FSTL4: variants seen among roughly 807,000 people sequenced by gnomAD.
The protein encoded by FSTL4 is follistatin-related protein 4.
In FSTL4, 28 loss-of-function variants were observed where a neutral mutation model predicts 78.2. That is an observed-to-expected ratio of 0.36 (90% CI 0.27 to 0.49). FSTL4 has a LOEUF of 0.49. FSTL4 is among the 20% of genes least tolerant of loss of function. The pLI is 0.98. For synonymous variants in FSTL4, 422 were observed against 440.5 expected (o/e 0.96, Z 0.53); for missense variants, 922 against 1,084.9 (o/e 0.85, Z 2.11).
chr5:133,629,176 C>T, the FSTL4 span, among the ~76,000 whole-genome samples: 1 of 151,252 alleles, frequency 6.6e-6, no homozygotes, highest in East Asian at 1.9e-4. Flanking sequence ...GAGTTTTTAG[C>T]ATAAAGAGGT....
the FSTL4 span, among the ~76,000 whole-genome samples, chr5:133,687,287 G>A: frequency 6.6e-6 from 1 of 152,220 alleles, no homozygotes; most frequent in African/African-American, 2.4e-5. Context: ...ACTGGACTGG[G>A]GAGGAGGGCA....
At chr5:133,239,638 C>T (rs1233883853) in intron 7 of FSTL4, among the ~76,000 whole-genome samples, 1 of 151,820 alleles carries the variant, frequency 6.6e-6, no homozygotes, top group African/African-American at 2.4e-5. Context: ...ATTGTAAATA[C>T]ACCAATCAGC....
At chr5:133,422,515 C>T (rs940512125) in intron 3 of FSTL4, among the ~76,000 whole-genome samples, 1 of 151,278 alleles carries the variant, frequency 6.6e-6, no homozygotes, top group African/African-American at 2.4e-5. Flanking sequence ...TGCTGTTTAC[C>T]GTTTACTAAA....
At chr5:133,264,106 C>T (rs1461691564) in intron 6 of FSTL4, among the ~76,000 whole-genome samples, 1 of 152,092 alleles carries the variant, frequency 6.6e-6, no homozygotes, top group African/African-American at 2.4e-5. Context: ...TTCTTACTGG[C>T]ATCTGGTGGA....
the FSTL4 span, among the ~76,000 whole-genome samples, chr5:133,617,787 G>A: frequency 1.3e-5 from 2 of 152,192 alleles, no homozygotes; most frequent in East Asian, 1.9e-4. Context: ...CTTTTCAAGA[G>A]GGCAGAGGAC....
chr5:133,622,502 A>C, the FSTL4 span, among the ~76,000 whole-genome samples: 1 of 152,192 alleles, frequency 6.6e-6, no homozygotes, highest in Admixed American at 6.5e-5. Context: ...AAATAAAAGA[A>C]CCAGCAAAAT....
At chr5:133,656,237 G>A in the FSTL4 span, among the ~76,000 whole-genome samples, 11 of 152,206 alleles carry the variant, frequency 7.2e-5, no homozygotes, top group South Asian at 2.3e-3. Flanking sequence ...AGTTACCACT[G>A]TGGGCAAATG....
At chr5:133,766,785 G>A in the FSTL4 span, among the ~76,000 whole-genome samples, 1 of 152,226 alleles carries the variant, frequency 6.6e-6, no homozygotes, top group East Asian at 1.9e-4. Flanking sequence ...TCCTACCGAT[G>A]AGACAGACAT....
intron 3 of FSTL4, among the ~76,000 whole-genome samples, chr5:133,449,181 T>C (rs1757330915): frequency 6.6e-6 from 1 of 152,146 alleles, no homozygotes; most frequent in African/African-American, 2.4e-5. Context: ...GTGCACACCA[T>C]AGGCCTGGGG....
chr5:133,628,366 C>CTTTTT, the FSTL4 span, among the ~76,000 whole-genome samples: 2 of 134,614 alleles, frequency 1.5e-5, no homozygotes, highest in South Asian at 4.4e-4. Context: ...CTTTTCTTTT[C>CTTTTT]TTTTTTTTTT....
chr5:133,828,253 C>A, the FSTL4 span, among the ~76,000 whole-genome samples: 3 of 152,216 alleles, frequency 2.0e-5, no homozygotes, highest in Admixed American at 1.3e-4. Context: ...AGAGCAAGTG[C>A]GCTCTTGACA....
At chr5:133,224,404 A>G in intron 10 of FSTL4, 188 bp from the exon 11 acceptor site, 1 of 495,088 alleles carries the variant, frequency 2.0e-6, no homozygotes, top group Non-Finnish European at 3.6e-6. Flanking sequence ...ACATGAACAA[A>G]TGCTTTCAGG....
intron 3 of FSTL4, among the ~76,000 whole-genome samples, chr5:133,476,362 G>C (rs929084033): frequency 1.3e-5 from 2 of 152,166 alleles, no homozygotes; most frequent in South Asian, 2.1e-4. Flanking sequence ...ATTGCAGTTT[G>C]GTTTTCATGC....
chr5:133,671,096 C>T, the FSTL4 span, among the ~76,000 whole-genome samples: 1 of 152,074 alleles, frequency 6.6e-6, no homozygotes, highest in Non-Finnish European at 1.5e-5. Context: ...GAAAATAAGC[C>T]AATACTAGCC....
chr5:133,799,834 C>T, the FSTL4 span, among the ~76,000 whole-genome samples: 5 of 139,066 alleles, frequency 3.6e-5, no homozygotes, highest in South Asian at 9.2e-4. Context: ...AGTAGCCCCA[C>T]AAAAAACATA....
intron 2 of FSTL4, among the ~76,000 whole-genome samples, chr5:133,571,014 G>A (rs1760142841): frequency 6.6e-6 from 1 of 151,954 alleles, no homozygotes; most frequent in South Asian, 2.1e-4. Flanking sequence ...CAACATTTTC[G>A]GCTTCCCCTT....
the FSTL4 span, among the ~76,000 whole-genome samples, chr5:133,815,374 C>T: frequency 7.9e-5 from 12 of 152,142 alleles, no homozygotes; most frequent in African/African-American, 2.9e-4. Context: ...AACTCAGGAC[C>T]TGAGGTCTGG....
chr5:133,478,373 GTC>G (rs1267370602), intron 3 of FSTL4, among the ~76,000 whole-genome samples: 3 of 152,220 alleles, frequency 2.0e-5, no homozygotes, highest in African/African-American at 7.2e-5. Context: ...CAAGTCGTCT[GTC>G]TCTGGACTGC....
intron 2 of FSTL4, among the ~76,000 whole-genome samples, chr5:133,577,566 TGCC>T (rs1436426472): frequency 6.6e-6 from 1 of 152,202 alleles, no homozygotes; most frequent in Non-Finnish European, 1.5e-5. Flanking sequence ...CAGCCAGCCC[TGCC>T]TAGGAGTTGC....
Sources: allele counts gnomAD v4.1 joint callset (sites outside exome capture counted in the v4.1 genomes callset), GRCh38; gene constraint gnomAD v4.1.1; transcripts MANE v1.5; gene names NCBI Gene and HGNC (gene_info 2026-07-23, HGNC 2026-07-21).